SLC14A2: variants seen among roughly 807,000 people sequenced by gnomAD.
SLC14A2 encodes urea transporter 2.
A neutral mutation model predicts 104.6 loss-of-function variants in SLC14A2; 91 were observed. That is an observed-to-expected ratio of 0.87 (90% CI 0.73 to 1.04). The LOEUF (loss-of-function observed/expected upper bound fraction) is 1.04, where lower values mean the gene tolerates loss of function less well. Among genes scored for constraint, SLC14A2 ranks in the 50% least tolerant of loss-of-function variants. The pLI is 0.00. For missense variants in SLC14A2, 1,189 were observed against 1,156.0 expected (o/e 1.03, Z -0.41); for synonymous variants, 476 against 466.4 (o/e 1.02, Z -0.27).
At chr18:45,289,737 G>C (rs12958669) in intron 1 of SLC14A2, among the ~76,000 whole-genome samples, 2,582 of 152,268 alleles carry the variant, frequency 0.017, 34 homozygotes, top group East Asian at 0.029. Flanking sequence ...GGTGGTGTCT[G>C]TTCCCCTGGA....
intron 1 of SLC14A2, among the ~76,000 whole-genome samples, chr18:45,442,041 G>A (rs1201325039): frequency 6.6e-6 from 1 of 152,134 alleles, no homozygotes; most frequent in African/African-American, 2.4e-5. Context: ...ATCATATCTG[G>A]CTTGTTGTGG....
At chr18:45,384,306 G>A (rs1685972319) in intron 1 of SLC14A2, among the ~76,000 whole-genome samples, 1 of 152,196 alleles carries the variant, frequency 6.6e-6, no homozygotes, top group African/African-American at 2.4e-5. Flanking sequence ...CACCTTCAAA[G>A]TGAATAGCAG....
chr18:45,600,351 T>C (rs1366018024), intron 2 of SLC14A2, among the ~76,000 whole-genome samples: 1 of 151,844 alleles, frequency 6.6e-6, no homozygotes, highest in Non-Finnish European at 1.5e-5. Flanking sequence ...TACTCCCAAA[T>C]GGCCCACTGG....
intron 2 of SLC14A2, among the ~76,000 whole-genome samples, chr18:45,518,235 GCAAA>G (rs2043469549): frequency 6.6e-6 from 1 of 152,144 alleles, no homozygotes; most frequent in African/African-American, 2.4e-5. Flanking sequence ...CACAGCTGAT[GCAAA>G]CAGAGTCCCT....
At chr18:45,292,074 C>G (rs1217213652) in intron 1 of SLC14A2, among the ~76,000 whole-genome samples, 1 of 152,144 alleles carries the variant, frequency 6.6e-6, no homozygotes, top group Non-Finnish European at 1.5e-5. Context: ...TTTTTTTCCT[C>G]CATATAATGG....
chr18:45,628,017 A>G (rs1184510292), intron 4 of SLC14A2, among the ~76,000 whole-genome samples: 37 of 143,564 alleles, frequency 2.6e-4, no homozygotes, highest in African/African-American at 4.8e-4. Context: ...AAAAAAAAAA[A>G]AAAGAAAAGA....
At chr18:45,182,368 C>T in the SLC14A2 span, among the ~76,000 whole-genome samples, 4 of 151,490 alleles carry the variant, frequency 2.6e-5, no homozygotes, top group Non-Finnish European at 5.9e-5. Flanking sequence ...AGAAATGGAT[C>T]GTTTTCTTGA....
intron 19 of SLC14A2, among the ~76,000 whole-genome samples, chr18:45,680,783 A>G (rs2046300440): frequency 6.6e-6 from 1 of 152,242 alleles, no homozygotes; most frequent in African/African-American, 2.4e-5. Flanking sequence ...GGTGATCAGA[A>G]CTGAGATTCG....
intron 1 of SLC14A2, among the ~76,000 whole-genome samples, chr18:45,214,584 C>A (rs1026531675): frequency 3.3e-5 from 5 of 151,996 alleles, no homozygotes; most frequent in African/African-American, 9.7e-5. Context: ...TGGTCTTTAT[C>A]GATAATTTTA....
At chr18:45,412,642 A>C (rs1259318280) in intron 1 of SLC14A2, among the ~76,000 whole-genome samples, 2 of 152,202 alleles carry the variant, frequency 1.3e-5, no homozygotes, top group African/African-American at 4.8e-5. Context: ...AAGATAGATA[A>C]AGTGTACTCA....
chr18:45,580,292 A>AC (rs2044471786), intron 2 of SLC14A2, among the ~76,000 whole-genome samples: 1 of 152,212 alleles, frequency 6.6e-6, no homozygotes. Context: ...AAAGTGTCAG[A>AC]ATTTGAAAAA....
chr18:45,653,834 T>C (rs772863597), intron 10 of SLC14A2, among the ~76,000 whole-genome samples: 1 of 152,240 alleles, frequency 6.6e-6, no homozygotes, highest in Non-Finnish European at 1.5e-5. Context: ...ATGGCAATAC[T>C]GTTCCCCAGC....
chr18:45,337,466 C>T (rs1278775029), intron 1 of SLC14A2, among the ~76,000 whole-genome samples: 2 of 152,186 alleles, frequency 1.3e-5, no homozygotes, highest in Admixed American at 6.5e-5. Flanking sequence ...AAAACAGTCA[C>T]ACAACCTGTA....
At chr18:45,435,081 A>G (rs2086575513) in intron 1 of SLC14A2, 1 of 152,202 alleles carries the variant, frequency 6.6e-6, no homozygotes, top group African/African-American at 2.4e-5. Flanking sequence ...TCAGGTAGGA[A>G]TCCATTTGTC....
intron 1 of SLC14A2, among the ~76,000 whole-genome samples, chr18:45,346,940 C>T (rs1337155886): frequency 6.6e-6 from 1 of 150,896 alleles, no homozygotes; most frequent in East Asian, 1.9e-4. Flanking sequence ...GCACTCCAGC[C>T]TGGGCAACAC....
chr18:45,283,537 A>C (rs1224530734), intron 1 of SLC14A2, among the ~76,000 whole-genome samples: 3 of 152,226 alleles, frequency 2.0e-5, no homozygotes, highest in Non-Finnish European at 2.9e-5. Flanking sequence ...AAAATGCTGC[A>C]GTCACTAGCA....
At chr18:45,174,534 C>A in the SLC14A2 span, among the ~76,000 whole-genome samples, 1 of 151,952 alleles carries the variant, frequency 6.6e-6, no homozygotes, top group African/African-American at 2.4e-5. Flanking sequence ...CCAGAATCAC[C>A]GCTTAAAAAA....
At chr18:45,217,635 C>A (rs1384163477) in intron 1 of SLC14A2, among the ~76,000 whole-genome samples, 1 of 152,090 alleles carries the variant, frequency 6.6e-6, no homozygotes, top group Non-Finnish European at 1.5e-5. Flanking sequence ...TTGTTATCAC[C>A]AAGTTACTCA....
chr18:45,244,413 G>C (rs2084348813), intron 1 of SLC14A2, among the ~76,000 whole-genome samples: 1 of 152,132 alleles, frequency 6.6e-6, no homozygotes, highest in Non-Finnish European at 1.5e-5. Flanking sequence ...GATCACGTGA[G>C]GTCAGGAGTT....
Sources: gnomAD v4.1 joint callset for allele counts (sites outside exome capture counted in the v4.1 genomes callset) on GRCh38, gnomAD v4.1.1 for gene constraint, MANE v1.5 for transcripts, NCBI Gene and HGNC (gene_info 2026-07-23, HGNC 2026-07-21) for gene names.